The following LRP1B variants were observed in gnomAD, a reference collection of about 807,000 sequenced individuals.
The protein encoded by LRP1B is LDL receptor related protein 1B.
LRP1B carries 217 observed loss-of-function variants against 556.6 expected under a neutral mutation model. The observed-to-expected ratio is 0.39, with a 90% confidence interval of 0.35 to 0.44. The LOEUF (loss-of-function observed/expected upper bound fraction) is 0.44. Among genes scored for constraint, LRP1B ranks in the 20% least tolerant of loss-of-function variants. The pLI, the probability that LRP1B is intolerant of heterozygous loss-of-function variation, is 1.00. For missense variants in LRP1B, 5,053 were observed against 5,620.8 expected (o/e 0.90, Z 3.23); for synonymous variants, 2,047 against 1,865.8 (o/e 1.10, Z -2.50).
At chr2:140,567,084 G>A (rs1681155179) in intron 43 of LRP1B, among the ~76,000 whole-genome samples, 2 of 151,996 alleles carry the variant, frequency 1.3e-5, no homozygotes, top group Admixed American at 1.3e-4. Context: ...AACAAAAATG[G>A]CTAGGCTGAG....
At chr2:141,219,670 A>T (rs1682956404) in intron 6 of LRP1B, among the ~76,000 whole-genome samples, 1 of 152,126 alleles carries the variant, frequency 6.6e-6, no homozygotes, top group Non-Finnish European at 1.5e-5. Flanking sequence ...ACCTCATACC[A>T]GAGTGTTTTG....
intron 84 of LRP1B, among the ~76,000 whole-genome samples, chr2:140,282,980 T>G (rs1266955698): frequency 6.6e-6 from 1 of 151,840 alleles, no homozygotes; most frequent in East Asian, 1.9e-4. Context: ...ATCATTTACT[T>G]ACATCTAATT....
At chr2:140,736,673 A>G (rs1280719770) in intron 35 of LRP1B, among the ~76,000 whole-genome samples, 3 of 152,194 alleles carry the variant, frequency 2.0e-5, no homozygotes, top group African/African-American at 7.2e-5. Flanking sequence ...CTGGCTAGCC[A>G]TATGTAGAAA....
intron 1 of LRP1B, among the ~76,000 whole-genome samples, chr2:142,122,458 G>A (rs974233906): frequency 2.0e-5 from 3 of 151,992 alleles, no homozygotes; most frequent in Non-Finnish European, 4.4e-5. Flanking sequence ...TCTAAATGTT[G>A]ATCATGTTGG....
At chr2:141,564,288 A>G (rs1295907905) in intron 2 of LRP1B, among the ~76,000 whole-genome samples, 1 of 152,158 alleles carries the variant, frequency 6.6e-6, no homozygotes, top group Non-Finnish European at 1.5e-5. Context: ...ATGAGGGTTA[A>G]GGAGTTAAAC....
chr2:140,952,025 A>T, intron 18 of LRP1B, 85 bp from the exon 19 acceptor site: 1 of 951,192 alleles, frequency 1.1e-6, no homozygotes, highest in South Asian at 1.4e-5. Context: ...ATGTGATCAG[A>T]ACTCCTTCCC....
chr2:140,649,652 T>A (rs1057255319), intron 41 of LRP1B, among the ~76,000 whole-genome samples: 1 of 152,232 alleles, frequency 6.6e-6, no homozygotes, highest in Non-Finnish European at 1.5e-5. Context: ...CCATAACACT[T>A]AGCTTTAAAC....
intron 72 of LRP1B, among the ~76,000 whole-genome samples, chr2:140,360,600 A>G (rs1371887509): frequency 2.6e-5 from 4 of 151,632 alleles, no homozygotes; most frequent in African/African-American, 9.7e-5. Flanking sequence ...ACTGAAGACT[A>G]GCACATTCCA....
At chr2:140,831,344 G>T (rs553545332) in intron 31 of LRP1B, among the ~76,000 whole-genome samples, 2 of 152,126 alleles carry the variant, frequency 1.3e-5, no homozygotes, top group Admixed American at 1.3e-4. Flanking sequence ...AGTGGAACAC[G>T]CTAGAGAACT....
intron 49 of LRP1B, among the ~76,000 whole-genome samples, chr2:140,525,612 C>A (rs916565401): frequency 6.6e-6 from 1 of 151,880 alleles, no homozygotes; most frequent in Non-Finnish European, 1.5e-5. Flanking sequence ...AATAACTAAA[C>A]ATAAAAAATT....
At chr2:140,664,866 G>C (rs956014116) in intron 41 of LRP1B, among the ~76,000 whole-genome samples, 1 of 151,870 alleles carries the variant, frequency 6.6e-6, no homozygotes, top group African/African-American at 2.4e-5. Flanking sequence ...CTGATATCTG[G>C]AATGCCCTTT....
chr2:140,502,824 C>T (rs1177470453), intron 54 of LRP1B, 139 bp downstream of exon 54: 5 of 751,004 alleles, frequency 6.7e-6, no homozygotes, highest in Non-Finnish European at 1.0e-5. Context: ...ATTACTAGTA[C>T]CCTGCATGGT....
At chr2:140,862,980 A>G (rs1692842510) in intron 27 of LRP1B, among the ~76,000 whole-genome samples, 1 of 152,168 alleles carries the variant, frequency 6.6e-6, no homozygotes, top group South Asian at 2.1e-4. Flanking sequence ...ACCTGGACTT[A>G]TGCCATTATC....
intron 7 of LRP1B, among the ~76,000 whole-genome samples, chr2:141,129,376 C>A (rs1701293543): frequency 6.6e-6 from 1 of 151,924 alleles, no homozygotes; most frequent in South Asian, 2.1e-4. Flanking sequence ...GAAAGATAAA[C>A]AGATATGTAA....
At chr2:140,976,025 A>G (rs1408123951) in intron 18 of LRP1B, among the ~76,000 whole-genome samples, 1 of 151,730 alleles carries the variant, frequency 6.6e-6, no homozygotes, top group African/African-American at 2.4e-5. Context: ...TCAAGTGATC[A>G]TACCACCTTA....
At chr2:140,364,613 G>C (rs1474923759) in intron 72 of LRP1B, 48 bp downstream of exon 72, 8 of 1,593,028 alleles carry the variant, frequency 5.0e-6, no homozygotes, top group Non-Finnish European at 4.3e-6. Context: ...GCTGGTGCCT[G>C]AGATCAGAAG....
At chr2:141,216,149 G>A (rs1176208177) in intron 6 of LRP1B, among the ~76,000 whole-genome samples, 2 of 152,102 alleles carry the variant, frequency 1.3e-5, no homozygotes, top group African/African-American at 4.8e-5. Flanking sequence ...CAGCCTCAGG[G>A]CACTGCTTCT....
At chr2:140,843,049 C>A (rs1692157041) in intron 29 of LRP1B, among the ~76,000 whole-genome samples, 1 of 110,260 alleles carries the variant, frequency 9.1e-6, no homozygotes, top group African/African-American at 3.5e-5. Flanking sequence ...ACATGTTCTC[C>A]AAAGTGGTTT....
chr2:140,876,642 T>C (rs1693314567), intron 25 of LRP1B, among the ~76,000 whole-genome samples: 1 of 152,214 alleles, frequency 6.6e-6, no homozygotes, highest in South Asian at 2.1e-4. Flanking sequence ...GCCCAGGAGC[T>C]CCAAGTTTAT....
Sources: gnomAD v4.1 joint callset for allele counts (sites outside exome capture counted in the v4.1 genomes callset) on GRCh38, gnomAD v4.1.1 for gene constraint, MANE v1.5 for transcripts, NCBI Gene and HGNC (gene_info 2026-07-23, HGNC 2026-07-21) for gene names.